CSDC2: variants seen among roughly 807,000 people sequenced by gnomAD.
CSDC2 encodes cold shock domain containing C2, also known as cold shock domain-containing protein C2.
In CSDC2, 8 loss-of-function variants were observed where a neutral mutation model predicts 15.8. That is an observed-to-expected ratio of 0.51 (90% CI 0.30 to 0.92). The LOEUF (loss-of-function observed/expected upper bound fraction) is 0.92, where lower values mean the gene tolerates loss of function less well. Among genes scored for constraint, CSDC2 ranks in the 40% least tolerant of loss-of-function variants. The pLI, the probability that CSDC2 is intolerant of heterozygous loss-of-function variation, is 0.07. For missense variants in CSDC2, 195 were observed against 213.3 expected, an observed-to-expected ratio of 0.91 and a Z score of 0.53; for synonymous variants, 96 against 92.3, an observed-to-expected ratio of 1.04 and a Z score of -0.23.
intron 1 of CSDC2, among the ~76,000 whole-genome samples, chr22:41,567,346 A>C (rs995273100): frequency 2.6e-5 from 4 of 152,252 alleles, no homozygotes; most frequent in African/African-American, 9.6e-5. Context: ...TCTGAGCCTC[A>C]GCTATCTCAT....
intron 1 of CSDC2, among the ~76,000 whole-genome samples, chr22:41,564,498 G>A (rs896143307): frequency 2.0e-5 from 3 of 152,038 alleles, no homozygotes. Context: ...CTGACCTCGT[G>A]ATCCACCCGC....
At chr22:41,566,840 A>T (rs1357748077) in intron 1 of CSDC2, among the ~76,000 whole-genome samples, 3 of 146,892 alleles carry the variant, frequency 2.0e-5, no homozygotes, top group Admixed American at 6.8e-5. Context: ...GGCAGGAGAA[A>T]GGCGTGAACC....
intron 1 of CSDC2, among the ~76,000 whole-genome samples, chr22:41,568,659 G>C (rs1164373567): frequency 6.6e-6 from 1 of 152,226 alleles, no homozygotes; most frequent in African/African-American, 2.4e-5. Flanking sequence ...GGAGAAGCCT[G>C]TTCTCTCTGC....
chr22:41,575,089 C>A lies in CSDC2; in HGVS notation c.*194C>A. 1.4e-6 allele frequency: 1 copy of A among 699,506 alleles called. No individual in the cohort carries two copies. The highest frequency in any genetic ancestry group is 2.3e-6 in the Non-Finnish European group (1 of 429,570). 43.3% of individuals were successfully genotyped at this position (699,506 alleles called of 1,614,324 possible). A position where few individuals can be genotyped will look rare whatever the true frequency, so the allele number is the denominator to read the frequency against. On this transcript the variant is annotated 3_prime_UTR_variant, in exon 4 of 4. Transcript: ENST00000306149. Reference sequence around the variant, plus strand: ...CACCCCACGACCCGTGACTACTGTGCAAGCTGGCCAGGAGGTAGGTGGAGG... The same window carrying A: ...CACCCCACGACCCGTGACTACTGTGAAAGCTGGCCAGGAGGTAGGTGGAGG...
intron 1 of CSDC2, among the ~76,000 whole-genome samples, chr22:41,567,242 G>T (rs988557205): frequency 2.0e-5 from 3 of 152,222 alleles, no homozygotes; most frequent in African/African-American, 7.2e-5. Flanking sequence ...ACCAGGAACA[G>T]AATTTATATT....
intron 1 of CSDC2, among the ~76,000 whole-genome samples, chr22:41,570,136 G>A (rs1410128049): frequency 6.6e-6 from 1 of 152,196 alleles, no homozygotes; most frequent in African/African-American, 2.4e-5. Flanking sequence ...TGAGGATAAT[G>A]GGTGAAAAGG....
intron 2 of CSDC2, among the ~76,000 whole-genome samples, chr22:41,573,290 G>A (rs2067157574): frequency 1.3e-5 from 2 of 152,014 alleles, no homozygotes; most frequent in Admixed American, 1.3e-4. Context: ...GGGAGGTGTA[G>A]GTTGCAGTGA....
In CSDC2 at chr22:41,574,881, G is replaced by A. The variant is rs1297967598; in HGVS notation, c.448G>A (p.Val150Ile). ...TCCCCACGAGACGTGGTCTGGCCAG[G>A]TCGTGGGCTCCTAGGCTGAGTGGTT... Reference protein sequence around the residue: ...HTPHETWSGQVVGS With the variant: ...HTPHETWSGQIVGS Residue 150 changes from valine (V) to isoleucine (I), a missense_variant, in exon 4 of 4, where the codon GTC (valine) becomes ATC (isoleucine). Physicochemically the swap from Val to Ile is conservative, Grantham distance 29 (BLOSUM62 3). Transcript: ENST00000306149. 6.3e-7 allele frequency: 1 copy of A among 1,597,692 alleles called. No individual in the cohort carries two copies. The highest frequency in any genetic ancestry group is 8.5e-7 in the Non-Finnish European group (1 of 1,172,512).
chr22:41,567,577 C>T (rs1185683597), intron 1 of CSDC2, among the ~76,000 whole-genome samples: 2 of 152,244 alleles, frequency 1.3e-5, no homozygotes, highest in African/African-American at 4.8e-5. Context: ...TCTCGGGCTG[C>T]TGGGCATTGT....
chr22:41,571,956 T>C lies in CSDC2; in HGVS notation c.-10T>C. 1 of 1,327,654 alleles carries C rather than the reference T, an allele frequency of 7.5e-7. No individual in the cohort carries two copies. The highest frequency in any genetic ancestry group is 3.1e-5 in the East Asian group (1 of 32,294). 82.2% of individuals were successfully genotyped at this position (1,327,654 alleles called of 1,614,324 possible). The stretch of plus-strand genomic sequence containing the variant: ...CCCAGAGCCCACCAGGCTCTCCTGC[T>C]GGCCCCACCATGACTTCAGAGTCGA... On this transcript the variant is annotated 5_prime_UTR_variant, in exon 2 of 4. Transcript: ENST00000306149.
chr22:41,566,457 A>C (rs1276217123), intron 1 of CSDC2, among the ~76,000 whole-genome samples: 6 of 149,180 alleles, frequency 4.0e-5, no homozygotes, highest in East Asian at 3.9e-4. Context: ...AAAAAAAAAA[A>C]AAAAAAAAAA....
chr22:41,562,071 A>G (rs1230374843), intron 1 of CSDC2, among the ~76,000 whole-genome samples: 1 of 152,160 alleles, frequency 6.6e-6, no homozygotes, highest in African/African-American at 2.4e-5. Flanking sequence ...GAACAATAAT[A>G]AATACAGAGT....
intron 1 of CSDC2, among the ~76,000 whole-genome samples, chr22:41,565,894 G>A (rs2067111225): frequency 6.6e-6 from 1 of 152,234 alleles, no homozygotes; most frequent in Admixed American, 6.5e-5. Flanking sequence ...AGGGCCGGGG[G>A]ACAGGGGGAT....
rs147879802 is a variant in CSDC2 at position 41,561,897 on chromosome 22, G to A, written c.-124+714G>A. 1.4e-3 allele frequency among the ~76,000 whole-genome samples: 218 copies of A among 152,282 alleles called. 3 individuals are homozygous for A. The highest frequency in any genetic ancestry group is 4.9e-3 in the African/African-American group (202 of 41,568). On this transcript the variant is annotated intron_variant, in intron 1 of 3. Coordinates refer to ENST00000306149, the MANE Select transcript of CSDC2 (RefSeq NM_014460.4). ...TCTATCTTGGGATACAGGGACTTAG[G>A]GTGGCCTTGGCTGGTGCCAAGCCCA... is the stretch of plus-strand genomic sequence containing the variant.
Position 41,571,904 on chromosome 22 carries a change from G to T in CSDC2, c.-62G>T. The T allele has an allele frequency of 8.6e-7, 1 of 1,167,852 alleles. No individual in the cohort carries two copies. Among genetic ancestry groups the T allele is most frequent in the South Asian group, 2.9e-5 (1 of 35,044 alleles). 72.3% of individuals were successfully genotyped at this position (1,167,852 alleles called of 1,614,324 possible). ...CAGGCCGGGCCCTGCCCGCAAGGAC[G>T]ACCAAACCCCTCACCGGCCCCTGGG... is the stretch of plus-strand genomic sequence containing the variant. On this transcript the variant is annotated 5_prime_UTR_variant, in exon 2 of 4. Coordinates refer to ENST00000306149, the MANE Select transcript of CSDC2 (RefSeq NM_014460.4).
rs1602000103 is a variant in CSDC2 at position 41,575,053 on chromosome 22, G to C, written c.*158G>C. 2 of 910,564 alleles carry C rather than the reference G, an allele frequency of 2.2e-6. No homozygotes were observed. Among genetic ancestry groups the C allele is most frequent in the East Asian group, 2.7e-5 (1 of 37,562 alleles). The allele number at this position is 910,564 out of a possible 1,614,324, so 56.4% of individuals were successfully genotyped here. On this transcript the variant is annotated 3_prime_UTR_variant, in exon 4 of 4. Transcript: ENST00000306149. ...CGTCTGTGCTTGTGGCTATGAGCGT[G>C]TGCCTCCACCCACCCCACGACCCGT... is the stretch of plus-strand genomic sequence containing the variant.
At chr22:41,573,959 G>A (rs1453072188) in intron 3 of CSDC2, among the ~76,000 whole-genome samples, 182 bp downstream of exon 3, 2 of 152,206 alleles carry the variant, frequency 1.3e-5, no homozygotes, top group Non-Finnish European at 2.9e-5. Flanking sequence ...GGGAGGGAGT[G>A]GGCACGCAGA....
At chr22:41,573,368 A>AT (rs2067157920) in intron 2 of CSDC2, among the ~76,000 whole-genome samples, 1 of 151,482 alleles carries the variant, frequency 6.6e-6, no homozygotes, top group Non-Finnish European at 1.5e-5. Context: ...AAAAAAAAAA[A>AT]ATTTTTTTTG....
chr22:41,572,719 C>T (rs1011051669), intron 2 of CSDC2, among the ~76,000 whole-genome samples: 2 of 152,124 alleles, frequency 1.3e-5, no homozygotes, highest in African/African-American at 4.8e-5. Flanking sequence ...AGGGAGCTGG[C>T]GATTCTGGGC....
Sources: gnomAD v4.1 joint callset for allele counts (sites outside exome capture counted in the v4.1 genomes callset) on GRCh38, gnomAD v4.1.1 for gene constraint, MANE v1.5 for transcripts, NCBI Gene and HGNC (gene_info 2026-07-23, HGNC 2026-07-21) for gene names.